Variants in PHACTR3 observed in about 807,000 individuals in gnomAD.
PHACTR3 encodes protein phosphatase 1, regulatory subunit 123.
In PHACTR3, 16 loss-of-function variants were observed where a neutral mutation model predicts 66.8. The observed-to-expected ratio is 0.24, with a 90% CI of 0.16 to 0.36. PHACTR3 has a LOEUF of 0.36. Among genes scored for constraint, PHACTR3 ranks in the 10% least tolerant of loss-of-function variants. The pLI, the probability that PHACTR3 is intolerant of heterozygous loss-of-function variation, is 1.00. For missense variants in PHACTR3, 647 were observed against 719.9 expected (o/e 0.90, Z 1.16); for synonymous variants, 323 against 292.1 (o/e 1.11, Z -1.08).
At chr20:59,843,478 T>C (rs1263174107) in intron 11 of PHACTR3, 1 of 152,022 alleles carries the variant, frequency 6.6e-6, no homozygotes, top group East Asian at 1.9e-4. Context: ...ATAATATTGG[T>C]ATAAAAGACA....
At chr20:59,834,622 T>C (rs1008378341) in intron 8 of PHACTR3, among the ~76,000 whole-genome samples, 3 of 152,232 alleles carry the variant, frequency 2.0e-5, no homozygotes, top group Non-Finnish European at 4.4e-5. Context: ...CCTCAGTGTT[T>C]AAGCCCAGTG....
In PHACTR3 at chr20:59,806,075, G is replaced by C. The variant is rs548007727; in HGVS notation, c.1209G>C (p.Leu403=). ...TLPRKCKKEL[L]AVKLRNRPSK... ...CACGGAAATGCAAGAAGGAGCTCCT[G>C]GCCGTGAAGCTAAGGAACCGGCCAA... The change falls in exon 8 of 13, where the codon CTG becomes CTC. Residue 403 remains leucine, a synonymous_variant. Transcript: ENST00000371015. The C allele has an allele frequency of 6.2e-7, 1 of 1,614,206 alleles. No individual in the cohort carries two copies. The highest frequency in any genetic ancestry group is 1.7e-5 in the Admixed American group (1 of 60,016).
chr20:59,764,896 G>T (rs746016175), intron 4 of PHACTR3, among the ~76,000 whole-genome samples: 11 of 152,228 alleles, frequency 7.2e-5, no homozygotes, highest in African/African-American at 1.2e-4. Context: ...GCCTGGGCTG[G>T]CTACTGAGAG....
intron 1 of PHACTR3, among the ~76,000 whole-genome samples, chr20:59,719,542 GGTT>G (rs2038215943): frequency 1.3e-5 from 2 of 152,114 alleles, no homozygotes; most frequent in African/African-American, 4.8e-5. Flanking sequence ...GAACCTGAAG[GGTT>G]GTTGTGCTTT....
At chr20:59,698,998 A>G (rs2037396961) in intron 1 of PHACTR3, among the ~76,000 whole-genome samples, 1 of 152,216 alleles carries the variant, frequency 6.6e-6, no homozygotes, top group Non-Finnish European at 1.5e-5. Flanking sequence ...GTTTCTGCTG[A>G]TGCCCAAATC....
At chr20:59,814,367 G>T (rs560124052) in intron 8 of PHACTR3, among the ~76,000 whole-genome samples, 1 of 152,308 alleles carries the variant, frequency 6.6e-6, no homozygotes, top group African/African-American at 2.4e-5. Flanking sequence ...GGGGTGGGTG[G>T]ATCTGCAATG....
chr20:59,617,545 ATT>A (rs200116872), intron 1 of PHACTR3, among the ~76,000 whole-genome samples: 20 of 147,896 alleles, frequency 1.4e-4, no homozygotes, highest in Middle Eastern at 3.5e-3. Flanking sequence ...GATTCCAGTC[ATT>A]TTTTTTTTTC....
intron 8 of PHACTR3, among the ~76,000 whole-genome samples, chr20:59,816,952 T>C (rs2041903118): frequency 6.6e-6 from 1 of 152,190 alleles, no homozygotes. Context: ...GGAGACATTG[T>C]TGAACTAAAT....
At chr20:59,627,550 G>A (rs746760621) in intron 1 of PHACTR3, among the ~76,000 whole-genome samples, 1 of 152,180 alleles carries the variant, frequency 6.6e-6, no homozygotes, top group Non-Finnish European at 1.5e-5. Flanking sequence ...GCTCTGTTCA[G>A]CTGTGGACAG....
intron 1 of PHACTR3, among the ~76,000 whole-genome samples, chr20:59,651,464 C>T (rs1312009114): frequency 6.6e-6 from 1 of 152,120 alleles, no homozygotes; most frequent in South Asian, 2.1e-4. Flanking sequence ...ACCAGCTAGC[C>T]ATATGAACCT....
At chr20:59,628,367 G>C (rs1300961728) in intron 1 of PHACTR3, 1 of 152,992 alleles carries the variant, frequency 6.5e-6, no homozygotes, top group Non-Finnish European at 1.5e-5. Flanking sequence ...GCTTCTCGGG[G>C]ACAAGGGTTG....
chr20:59,823,101 C>T (rs1228864228), intron 8 of PHACTR3, among the ~76,000 whole-genome samples: 2 of 152,184 alleles, frequency 1.3e-5, no homozygotes, highest in African/African-American at 4.8e-5. Context: ...AGGATCTTAG[C>T]CCTGGGAGCA....
At chr20:59,781,932 C>T (rs369027099) in intron 7 of PHACTR3, among the ~76,000 whole-genome samples, 25 of 152,270 alleles carry the variant, frequency 1.6e-4, no homozygotes, top group South Asian at 2.1e-4. Flanking sequence ...AAGGGACATA[C>T]GGGATTTCCC....
chr20:59,687,356 T>C (rs1003161102), intron 1 of PHACTR3, among the ~76,000 whole-genome samples: 1 of 152,144 alleles, frequency 6.6e-6, no homozygotes, highest in African/African-American at 2.4e-5. Flanking sequence ...TGTTACCTTG[T>C]AGTAGATTTG....
chr20:59,579,985 C>T (rs1281813005), intron 1 of PHACTR3, among the ~76,000 whole-genome samples: 1 of 152,088 alleles, frequency 6.6e-6, no homozygotes, highest in African/African-American at 2.4e-5. Flanking sequence ...GCGCGCATTC[C>T]GTGCTGACCA....
chr20:59,637,531 G>T (rs776264730), intron 1 of PHACTR3, among the ~76,000 whole-genome samples: 9 of 152,108 alleles, frequency 5.9e-5, no homozygotes, highest in Non-Finnish European at 8.8e-5. Flanking sequence ...CAGATTAAAT[G>T]CTCCATAGAA....
Position 59,790,351 on chromosome 20 carries a change from C to A in PHACTR3, c.1175-15690C>A, listed in dbSNP as rs549522583. ...AAAAGCAGTAGCCAGCCCGGTGATA[C>A]AGGGAGAAATAGCCAAAAGAGCTCC... On this transcript the variant is annotated intron_variant, in intron 7 of 12. Coordinates refer to ENST00000371015, the MANE Select transcript of PHACTR3 (RefSeq NM_080672.5). Among the ~76,000 whole-genome samples, 3 of 152,262 alleles carry A rather than the reference C, an allele frequency of 2.0e-5. No individual in the cohort carries two copies. In the South Asian group the frequency reaches 6.2e-4, roughly 32 times the overall value.
In PHACTR3 at chr20:59,847,262, C is replaced by A; in HGVS notation, c.*132C>A. 1.6e-6 allele frequency: 1 copy of A among 606,126 alleles called. No homozygotes were observed. Among genetic ancestry groups the A allele is most frequent in the Admixed American group, 2.6e-5 (1 of 38,856 alleles). 37.5% of individuals were successfully genotyped at this position (606,126 alleles called of 1,614,324 possible). On this transcript the variant is annotated 3_prime_UTR_variant, in exon 13 of 13. Transcript: ENST00000371015. Reference sequence around the variant, plus strand: ...TTTGTGAGAAGAGTAGGATCACACACACAGGTGCAATCTTGACCACACTTA... The same window carrying A: ...TTTGTGAGAAGAGTAGGATCACACAAACAGGTGCAATCTTGACCACACTTA...
At position 59,747,791 on chromosome 20, in the gene PHACTR3, G is replaced by T; in HGVS notation, c.314G>T (p.Arg105Leu). Reference protein sequence around the residue: ...LEKKMAGRQGREELIKKGLLE... With the variant: ...LEKKMAGRQGLEELIKKGLLE... ...AAGAAGATGGCCGGCAGGCAAGGCC[G>T]AGAGGAGCTCATCAAGAAGGGGCTG... The change falls in exon 3 of 13, where the codon CGA becomes CTA. Residue 105 changes from arginine to leucine, a missense_variant. Physicochemically the swap from Arg to Leu is moderately radical, Grantham distance 102. This residue lies in a region of PHACTR3 where 577 missense variants were observed against 571.1 expected (regional missense o/e 1.01). Transcript: ENST00000371015. The T allele has an allele frequency of 6.2e-7, 1 of 1,614,094 alleles. No homozygotes were observed. The highest frequency in any genetic ancestry group is 8.5e-7 in the Non-Finnish European group (1 of 1,179,986).
Sources: allele counts gnomAD v4.1 joint callset (sites outside exome capture counted in the v4.1 genomes callset), GRCh38; gene constraint gnomAD v4.1.1; regional missense constraint gnomAD v4.1.1; transcripts MANE v1.5; gene names NCBI Gene and HGNC (gene_info 2026-07-23, HGNC 2026-07-21).